The following BBOX1 variants were observed in gnomAD, a reference collection of about 807,000 sequenced individuals.
BBOX1 encodes gamma-butyrobetaine hydroxylase 1, also known as gamma-butyrobetaine dioxygenase.
Under a neutral mutation model 41.6 loss-of-function variants are expected in BBOX1, and 35 were observed. That is an observed-to-expected ratio of 0.84 (90% CI 0.64 to 1.11). The LOEUF (loss-of-function observed/expected upper bound fraction) is 1.11, where lower values mean the gene tolerates loss of function less well. BBOX1 is among the 50% of genes most tolerant of loss of function. BBOX1 has a pLI of 0.00. For missense variants in BBOX1, 458 were observed against 460.6 expected (o/e 0.99, Z 0.05); for synonymous variants, 163 against 154.7 (o/e 1.05, Z -0.40).
chr11:27,110,292 C>G (rs750473031), intron 5 of BBOX1, among the ~76,000 whole-genome samples: 6 of 151,982 alleles, frequency 3.9e-5, no homozygotes, highest in Non-Finnish European at 7.4e-5. Flanking sequence ...TAGAGCAATT[C>G]TTTGAAACTA....
At chr11:27,105,565 C>A (rs1858835961) in intron 5 of BBOX1, among the ~76,000 whole-genome samples, 1 of 152,098 alleles carries the variant, frequency 6.6e-6, no homozygotes, top group Non-Finnish European at 1.5e-5. Context: ...AAGAAACTAT[C>A]AAAGCCTCCA....
In BBOX1 at chr11:27,057,070, A is replaced by AAAAAAAAAAAAAAAAAAAC. The variant is rs2133964286; in HGVS notation, c.220-116_220-115insAAACAAAAAAAAAAAAAAA. On this transcript the variant is annotated intron_variant, in intron 3 of 8. Transcript: ENST00000263182. The stretch of plus-strand genomic sequence containing the variant: ...ACAGAGGAAGACTCCGACTTAAAAA[A>AAAAAAAAAAAAAAAAAAAC]AAAAAAAAAAAAAAATTAAGCAAAG... The AAAAAAAAAAAAAAAAAAAC allele has an allele frequency of 7.1e-6, 2 of 282,164 alleles. 1 individual carries two copies. The highest frequency in any genetic ancestry group is 1.6e-4 in the East Asian group (2 of 12,598). 17.5% of individuals were successfully genotyped at this position (282,164 alleles called of 1,614,324 possible).
chr11:27,127,230 T>G, intron 8 of BBOX1, 63 bp from the exon 9 acceptor site: 1 of 1,540,108 alleles, frequency 6.5e-7, no homozygotes, highest in Admixed American at 1.8e-5. Flanking sequence ...CATGTTACAT[T>G]TTCTAGCTCT....
At chr11:27,124,175 G>C (rs186804247) in intron 7 of BBOX1, among the ~76,000 whole-genome samples, 57 of 152,268 alleles carry the variant, frequency 3.7e-4, no homozygotes, top group African/African-American at 1.3e-3. Flanking sequence ...ACCAAACCCA[G>C]GTGTATGTGT....
At chr11:27,115,407 G>A in intron 5 of BBOX1, 45 bp from the exon 6 acceptor site, 1 of 1,485,820 alleles carries the variant, frequency 6.7e-7, no homozygotes, top group Non-Finnish European at 9.2e-7. Context: ...ATTTCCTCTG[G>A]CTTAGTGACA....
chr11:27,060,583 AT>A (rs534579194), intron 4 of BBOX1, among the ~76,000 whole-genome samples: 40 of 152,202 alleles, frequency 2.6e-4, no homozygotes, highest in Non-Finnish European at 4.8e-4. Flanking sequence ...CAAATCTGAA[AT>A]TCTTAAACAT....
chr11:27,109,351 T>C (rs1469000743), intron 5 of BBOX1, among the ~76,000 whole-genome samples: 4 of 152,044 alleles, frequency 2.6e-5, no homozygotes, highest in African/African-American at 9.7e-5. Flanking sequence ...TGTTCTATTT[T>C]CCAAATATAT....
At position 27,119,760 on chromosome 11, in the gene BBOX1, A is replaced by G. The variant is rs146781203; in HGVS notation, c.751A>G (p.Ile251Val). The G allele has an allele frequency of 1.9e-5, 31 of 1,604,262 alleles. 1 individual carries two copies. The African/African-American group carries it at 2.4e-4, about 13-fold the overall frequency. Residue 251 changes from isoleucine (I) to valine (V), a missense_variant, in exon 7 of 9, where the codon ATT (isoleucine) becomes GTT (valine). Physicochemically the swap from Ile to Val is conservative, Grantham distance 29. Transcript: ENST00000263182. ...LKKNNPQAFQ[I>V]LSSTFVDFTD... is the part of the protein sequence containing the mutation. ...GAAAAATAATCCTCAGGCATTCCAG[A>G]TTTTGTCCTCTACCTTTGTGGACTT...
At chr11:27,085,692 C>G (rs933723058) in intron 4 of BBOX1, among the ~76,000 whole-genome samples, 1 of 151,896 alleles carries the variant, frequency 6.6e-6, no homozygotes, top group Non-Finnish European at 1.5e-5. Flanking sequence ...GGAAGAGTTG[C>G]ATGTCTCTCA....
At chr11:27,086,869 T>A (rs1186038348) in intron 4 of BBOX1, among the ~76,000 whole-genome samples, 1 of 151,940 alleles carries the variant, frequency 6.6e-6, no homozygotes, top group East Asian at 1.9e-4. Flanking sequence ...TTGGAAGAAG[T>A]TGATTTCAGC....
At chr11:27,080,421 T>C (rs1857796107) in intron 4 of BBOX1, among the ~76,000 whole-genome samples, 1 of 152,102 alleles carries the variant, frequency 6.6e-6, no homozygotes, top group Non-Finnish European at 1.5e-5. Context: ...ATTAGTAATA[T>C]ATGTCATTAT....
intron 6 of BBOX1, among the ~76,000 whole-genome samples, chr11:27,117,299 C>A (rs527244292): frequency 6.6e-6 from 1 of 151,934 alleles, no homozygotes; most frequent in South Asian, 2.1e-4. Flanking sequence ...TCTCTGTGCC[C>A]TTATTGTTAC....
chr11:27,055,275 A>T, intron 2 of BBOX1, 118 bp from the exon 3 acceptor site: 1 of 631,334 alleles, frequency 1.6e-6, no homozygotes, highest in Non-Finnish European at 2.7e-6. Context: ...GTCAAACCGC[A>T]GACTCTGACA....
chr11:27,105,428 G>A (rs924064954), intron 5 of BBOX1, among the ~76,000 whole-genome samples: 6 of 152,098 alleles, frequency 3.9e-5, no homozygotes, highest in East Asian at 1.9e-4. Flanking sequence ...ACCATGGCAC[G>A]AGAACTACGT....
At chr11:27,073,654 A>C (rs1409009198) in intron 4 of BBOX1, among the ~76,000 whole-genome samples, 1 of 152,138 alleles carries the variant, frequency 6.6e-6, no homozygotes, top group East Asian at 1.9e-4. Flanking sequence ...AAATACTTGG[A>C]ACCAACCCAA....
intron 2 of BBOX1, among the ~76,000 whole-genome samples, chr11:27,052,366 C>A (rs1303469143): frequency 6.6e-6 from 1 of 152,066 alleles, no homozygotes; most frequent in Non-Finnish European, 1.5e-5. Flanking sequence ...CTTTAACCTT[C>A]TTTCAATATA....
At chr11:27,093,026 G>T in intron 4 of BBOX1, 142 bp from the exon 5 acceptor site, 2 of 827,248 alleles carry the variant, frequency 2.4e-6, no homozygotes, top group South Asian at 1.9e-5. Context: ...AGTGACTTGG[G>T]CATTTCTAAT....
chr11:27,061,401 C>A (rs1293806213), intron 4 of BBOX1, among the ~76,000 whole-genome samples: 1 of 152,068 alleles, frequency 6.6e-6, no homozygotes, highest in African/African-American at 2.4e-5. Flanking sequence ...AAAACAAGAT[C>A]AGATTTTTAA....
intron 4 of BBOX1, among the ~76,000 whole-genome samples, chr11:27,067,811 T>C (rs1857336171): frequency 1.3e-5 from 2 of 152,080 alleles, no homozygotes; most frequent in Admixed American, 1.3e-4. Context: ...AGCTCCTGCT[T>C]GCAAGTGAGG....
Sources: gnomAD v4.1 joint callset for allele counts (sites outside exome capture counted in the v4.1 genomes callset) on GRCh38, gnomAD v4.1.1 for gene constraint, MANE v1.5 for transcripts, NCBI Gene and HGNC (gene_info 2026-07-23, HGNC 2026-07-21) for gene names.